Variants in ORC2 observed in about 807,000 individuals in gnomAD.
ORC2 encodes origin recognition complex protein 2 homolog.
In ORC2, 37 loss-of-function variants were observed where a neutral mutation model predicts 77.7. The observed-to-expected ratio is 0.48, with a 90% CI of 0.37 to 0.63. The LOEUF is 0.63. Ranked by LOEUF, ORC2 falls within the 20% of genes least tolerant of loss-of-function variation. ORC2 has a pLI of 0.00. For synonymous variants in ORC2, 201 were observed against 229.5 expected (o/e 0.88, Z 1.12); for missense variants, 557 against 661.9 (o/e 0.84, Z 1.74).
chr2:200,943,386 T>C (rs902704431), intron 5 of ORC2, among the ~76,000 whole-genome samples: 8 of 152,126 alleles, frequency 5.3e-5, no homozygotes, highest in Admixed American at 1.3e-4. Flanking sequence ...GCTTTTTTTT[T>C]CTAAAGACCA....
chr2:200,956,648 A>G (rs2041470821), intron 4 of ORC2, among the ~76,000 whole-genome samples: 1 of 152,090 alleles, frequency 6.6e-6, no homozygotes, highest in African/African-American at 2.4e-5. Context: ...ATACCTTAAA[A>G]ATAGTACTAG....
At position 200,945,101 on chromosome 2, in the gene ORC2, G is replaced by C. The variant is rs182867291; in HGVS notation, c.329-2324C>G. On this transcript the variant is annotated intron_variant, in intron 5 of 17. Transcript: ENST00000234296. ...CAGAGCTGAAAATATTTACTGTCTGGCCCTTTACAGAAAAAGCTGGCTGAC... is the reference window on the plus strand; with the variant it reads ...CAGAGCTGAAAATATTTACTGTCTGCCCCTTTACAGAAAAAGCTGGCTGAC... Among the ~76,000 whole-genome samples the C allele has an allele frequency of 2.2e-4, 34 of 152,264 alleles. No homozygotes were observed. The East Asian group carries it at 6.2e-3, about 28-fold the overall frequency.
At chr2:200,960,088 C>T (rs1428913393) in intron 1 of ORC2, among the ~76,000 whole-genome samples, 1 of 151,998 alleles carries the variant, frequency 6.6e-6, no homozygotes, top group Admixed American at 6.6e-5. Context: ...GGTGATCTGC[C>T]CACCTCAGCC....
chr2:200,961,635 A>G (rs886096306), intron 1 of ORC2, among the ~76,000 whole-genome samples: 1 of 152,240 alleles, frequency 6.6e-6, no homozygotes, highest in Non-Finnish European at 1.5e-5. Flanking sequence ...TTCAAAGAGC[A>G]TGGCCAGAGT....
At chr2:200,961,170 G>T (rs903676939) in intron 1 of ORC2, among the ~76,000 whole-genome samples, 1 of 151,460 alleles carries the variant, frequency 6.6e-6, no homozygotes, top group African/African-American at 2.4e-5. Flanking sequence ...TGTTGTTTTG[G>T]GTTTTTTGTT....
chr2:200,939,731 G>A (rs1467500647), intron 7 of ORC2, among the ~76,000 whole-genome samples: 1 of 152,152 alleles, frequency 6.6e-6, no homozygotes, highest in Non-Finnish European at 1.5e-5. Context: ...CTGTCACAAC[G>A]ATGTTGTCTC....
chr2:200,958,879 C>G (rs1011194740), intron 2 of ORC2, among the ~76,000 whole-genome samples: 1 of 152,222 alleles, frequency 6.6e-6, no homozygotes, highest in African/African-American at 2.4e-5. Context: ...ATGATTTTAA[C>G]TGCTGCCAGC....
chr2:200,938,023 A>C lies in ORC2; in HGVS notation c.454-57T>G, dbSNP rs2041078899. 4.0e-6 allele frequency: 5 copies of C among 1,253,788 alleles called. No homozygotes were observed. In the South Asian group the frequency reaches 5.1e-5, roughly 13 times the overall value. 77.7% of individuals were successfully genotyped at this position (1,253,788 alleles called of 1,614,324 possible). On this transcript the variant is annotated intron_variant, in intron 7 of 17. Coordinates refer to ENST00000234296, the MANE Select transcript of ORC2 (RefSeq NM_006190.5). ...AACATGGAAATTAATGACTGATCTG[A>C]GTGAAAGAGGCTAGAAAAAAAGAAA... is the stretch of plus-strand genomic sequence containing the variant.
intron 2 of ORC2, among the ~76,000 whole-genome samples, chr2:200,958,917 T>G (rs2041521085): frequency 1.3e-5 from 2 of 152,248 alleles, no homozygotes; most frequent in African/African-American, 4.8e-5. Context: ...AAATGTAAAC[T>G]AAGATTCAGT....
rs148622379 is a variant in ORC2 at position 200,949,327 on chromosome 2, T to A, written c.328+227A>T. On this transcript the variant is annotated intron_variant, in intron 5 of 17. Transcript: ENST00000234296. ...CTGTGCACATACTACAAGAAGCTTATAATCTAGCTGAAAACAGAAGACATC... is the reference window on the plus strand; with the variant it reads ...CTGTGCACATACTACAAGAAGCTTAAAATCTAGCTGAAAACAGAAGACATC... Among the ~76,000 whole-genome samples the A allele has an allele frequency of 1.7e-3, 259 of 151,442 alleles. 1 individual carries two copies. Among genetic ancestry groups the A allele is most frequent in the African/African-American group, 6.0e-3 (246 of 41,326 alleles).
chr2:200,953,385 G>A (rs182018151), intron 4 of ORC2, among the ~76,000 whole-genome samples: 10 of 149,380 alleles, frequency 6.7e-5, no homozygotes, highest in Non-Finnish European at 1.3e-4. Context: ...TAAAACCACC[G>A]CCTCATATCC....
chr2:200,949,650 G>C lies in ORC2; in HGVS notation c.239-7C>G, dbSNP rs377095682. 1 of 1,507,212 alleles carries C rather than the reference G, an allele frequency of 6.6e-7. No individual in the cohort carries two copies. Among genetic ancestry groups the C allele is most frequent in the Non-Finnish European group, 9.1e-7 (1 of 1,098,718 alleles). 93.4% of individuals were successfully genotyped at this position (1,507,212 alleles called of 1,614,324 possible). ...GAGCCATTTTTCAATGATTCTGAAA[G>C]AAAAAAATGCAATATACATTTAGGA... is the stretch of plus-strand genomic sequence containing the variant. On this transcript the variant is annotated splice_region_variant and splice_polypyrimidine_tract_variant and intron_variant, in intron 4 of 17. Transcript: ENST00000234296.
chr2:200,961,657 AC>A (rs2041577205), intron 1 of ORC2, among the ~76,000 whole-genome samples: 4 of 152,344 alleles, frequency 2.6e-5, no homozygotes, highest in Admixed American at 6.5e-5. Flanking sequence ...AGCATAATCT[AC>A]ATTATTTTAC....
chr2:200,933,850 T>C (rs768521207), intron 10 of ORC2, 26 bp downstream of exon 10: 1 of 1,383,318 alleles, frequency 7.2e-7, no homozygotes, highest in Non-Finnish European at 1.0e-6. Context: ...AAAAAAAATT[T>C]AGAAGTAACA....
intron 16 of ORC2, 164 bp downstream of exon 16, chr2:200,913,767 C>T: frequency 7.1e-7 from 1 of 1,406,906 alleles, no homozygotes; most frequent in Non-Finnish European, 9.2e-7. Context: ...AGCAGTGGAT[C>T]TGTAGAGCTG....
intron 5 of ORC2, among the ~76,000 whole-genome samples, chr2:200,946,663 A>G (rs983543155): frequency 2.0e-5 from 3 of 152,214 alleles, no homozygotes; most frequent in Non-Finnish European, 4.4e-5. Flanking sequence ...TCTTTAAGTT[A>G]TGAGCATGCT....
chr2:200,914,557 C>T (rs1033525651), intron 15 of ORC2, among the ~76,000 whole-genome samples: 4 of 151,976 alleles, frequency 2.6e-5, no homozygotes, highest in African/African-American at 9.7e-5. Flanking sequence ...GGTGGGAGGA[C>T]TGCTTGAGCC....
At chr2:200,947,770 C>G (rs902209156) in intron 5 of ORC2, among the ~76,000 whole-genome samples, 2 of 152,126 alleles carry the variant, frequency 1.3e-5, no homozygotes, top group African/African-American at 4.8e-5. Context: ...GGGTTTCACT[C>G]TGTCACCCAG....
chr2:200,956,676 T>TTGGGAGGATCTCCTGA, intron 4 of ORC2, among the ~76,000 whole-genome samples: 1 of 152,176 alleles, frequency 6.6e-6, no homozygotes, highest in Non-Finnish European at 1.5e-5. Context: ...GGTGGCTAAG[T>TTGGGAGGATCTCCTGA]TGGGAGGATC....
Sources: gnomAD v4.1 joint callset for allele counts (sites outside exome capture counted in the v4.1 genomes callset) on GRCh38, gnomAD v4.1.1 for gene constraint, MANE v1.5 for transcripts, NCBI Gene and HGNC (gene_info 2026-07-23, HGNC 2026-07-21) for gene names.